The following TRPM1 variants were observed in gnomAD, a reference collection of about 807,000 sequenced individuals.
TRPM1 encodes transient receptor potential cation channel subfamily M member 1.
TRPM1 carries 113 observed loss-of-function variants against 149.4 expected under a neutral mutation model. The observed-to-expected ratio is 0.76, with a 90% CI of 0.65 to 0.88. The LOEUF is 0.88. Ranked by LOEUF, TRPM1 falls within the 40% of genes least tolerant of loss-of-function variation. TRPM1 has a pLI of 0.00. For synonymous variants in TRPM1, 741 were observed against 759.5 expected (o/e 0.98, Z 0.40); for missense variants, 1,976 against 2,038.7 (o/e 0.97, Z 0.59).
At chr15:31,111,403 C>T (rs79346978) in intron 1 of TRPM1, among the ~76,000 whole-genome samples, 28 of 152,310 alleles carry the variant, frequency 1.8e-4, no homozygotes, top group Admixed American at 1.4e-3. Flanking sequence ...GAAGTCTTCA[C>T]TCTGGAGTGA....
chr15:31,051,613 C>G (rs1388613007), intron 11 of TRPM1, among the ~76,000 whole-genome samples: 5 of 152,246 alleles, frequency 3.3e-5, no homozygotes, highest in Admixed American at 1.3e-4. Context: ...CTCAGTGCAG[C>G]TTTAAATGTC....
At chr15:31,114,944 A>G (rs568669298) in intron 1 of TRPM1, among the ~76,000 whole-genome samples, 44 of 152,248 alleles carry the variant, frequency 2.9e-4, no homozygotes, top group Non-Finnish European at 5.9e-4. Context: ...AATAGCAATA[A>G]TATCTTGCAG....
intron 1 of TRPM1, among the ~76,000 whole-genome samples, chr15:31,121,740 C>A (rs987500344): frequency 6.6e-6 from 1 of 152,112 alleles, no homozygotes; most frequent in African/African-American, 2.4e-5. Context: ...TACCATACGT[C>A]TGAGGAAGAA....
rs998303849 is a variant in TRPM1, at chr15:31,026,242, T to C, written c.3526A>G (p.Arg1176Gly). Residue 1176 changes from arginine (R) to glycine (G), a missense_variant, in exon 27 of 28, where the codon AGG becomes GGG. Arg to Gly is a moderately radical substitution (Grantham distance 125). This residue lies in a region of TRPM1 where 572 missense variants were observed against 578.9 expected (regional missense o/e 0.99). Coordinates refer to ENST00000256552, the MANE Select transcript of TRPM1 (RefSeq NM_001252024.2). ...KLFLSDEELK[R>G]LHEFEEQCVQ... ...CACTGCTCCTCGAACTCATGCAGCC[T>C]CTTTAGCTCCTCGTCGCTAAGGAAG... is the stretch of plus-strand genomic sequence containing the variant. The C allele has an allele frequency of 2.5e-6, 4 of 1,612,162 alleles. No homozygotes were observed. The highest frequency in any genetic ancestry group is 3.4e-6 in the Non-Finnish European group (4 of 1,180,028).
intron 1 of TRPM1, among the ~76,000 whole-genome samples, chr15:31,146,256 A>G (rs912576857): frequency 6.6e-6 from 1 of 152,252 alleles, no homozygotes; most frequent in African/African-American, 2.4e-5. Flanking sequence ...GGATACCATA[A>G]CCTGTGAGTG....
intron 1 of TRPM1, among the ~76,000 whole-genome samples, chr15:31,093,524 G>A (rs1310638609): frequency 6.6e-6 from 1 of 151,996 alleles, no homozygotes; most frequent in East Asian, 1.9e-4. Flanking sequence ...ATTAAAGAAG[G>A]CATAAATAAA....
At chr15:31,140,395 TAATAG>T (rs2036146624) in intron 1 of TRPM1, among the ~76,000 whole-genome samples, 2 of 151,212 alleles carry the variant, frequency 1.3e-5, no homozygotes, top group South Asian at 4.2e-4. Flanking sequence ...AAAAATTAAA[TAATAG>T]AAAAGAAAAG....
In TRPM1 at chr15:31,049,342, TC is replaced by T. The variant is rs1431332368; in HGVS notation, c.1572+32del. The T allele has an allele frequency of 5.0e-6, 8 of 1,613,974 alleles. No homozygotes were observed. In the Admixed American group the frequency reaches 1.3e-4, roughly 27 times the overall value. ...TGACAAACACATTTAGGTGGCTGCC[TC>T]CCGCTTCCTTCCCTTTTTCTAGAGC... On this transcript the variant is annotated intron_variant, in intron 13 of 27. Transcript: ENST00000256552.
rs1327953377 is a variant in TRPM1, at chr15:31,128,664, G to A, written c.54+32242C>T. On this transcript the variant is annotated intron_variant, in intron 1 of 26. Coordinates refer to the TRPM1 transcript ENST00000542188. ...ATCACTGACGGGCATAGGCAGACAT[G>A]CAGAGGCAGCCCCAACACACCCCAT... is the stretch of plus-strand genomic sequence containing the variant. 3.3e-5 allele frequency among the ~76,000 whole-genome samples: 5 copies of A among 152,332 alleles called. No individual in the cohort carries two copies. In the East Asian group the frequency reaches 7.7e-4, roughly 23 times the overall value.
At chr15:31,024,671 G>A (rs773688556) in intron 27 of TRPM1, among the ~76,000 whole-genome samples, 124 of 152,104 alleles carry the variant, frequency 8.2e-4, no homozygotes, top group Non-Finnish European at 1.6e-3. Flanking sequence ...GAAGGGAGAG[G>A]GGGAGGCAGA....
At chr15:31,005,104 AAAATAAATAAAT>A (rs71420541) in intron 27 of TRPM1, among the ~76,000 whole-genome samples, 2 of 142,758 alleles carry the variant, frequency 1.4e-5, no homozygotes, top group African/African-American at 2.6e-5. Flanking sequence ...TCCATCTCAA[AAAATAAATAAAT>A]AAATAAATAA....
intron 1 of TRPM1, among the ~76,000 whole-genome samples, chr15:31,129,226 G>A (rs1170004760): frequency 6.6e-6 from 1 of 152,210 alleles, no homozygotes; most frequent in Non-Finnish European, 1.5e-5. Flanking sequence ...CGGTCTTGAA[G>A]GTTGGCAGGA....
intron 1 of TRPM1, among the ~76,000 whole-genome samples, chr15:31,149,791 T>G (rs1262373540): frequency 6.6e-6 from 1 of 152,224 alleles, no homozygotes; most frequent in Non-Finnish European, 1.5e-5. Context: ...AGTGCTGGGA[T>G]TACAGGCGTG....
intron 12 of TRPM1, 101 bp downstream of exon 12, chr15:31,050,308 G>A (rs1015169879): frequency 1.3e-5 from 21 of 1,560,434 alleles, no homozygotes; most frequent in Non-Finnish European, 1.8e-5. Flanking sequence ...CGTCCCTCCT[G>A]GGATCAGGGC....
At chr15:31,148,489 C>T (rs979862282) in intron 1 of TRPM1, among the ~76,000 whole-genome samples, 2 of 152,194 alleles carry the variant, frequency 1.3e-5, no homozygotes, top group African/African-American at 4.8e-5. Flanking sequence ...AAAGAATTCT[C>T]CTCTATGATG....
At chr15:31,149,725 T>A (rs1052068283) in intron 1 of TRPM1, among the ~76,000 whole-genome samples, 1 of 152,078 alleles carries the variant, frequency 6.6e-6, no homozygotes, top group Non-Finnish European at 1.5e-5. Flanking sequence ...TTCACCGTGT[T>A]AGCCAGGATG....
At position 31,041,952 on chromosome 15, in the gene TRPM1, T is replaced by C; in HGVS notation, c.2086A>G (p.Lys696Glu). ...TTTAAATCCCCGCTAGACACTAACT[T>C]GGAATTGTTATCCAAGTCCTGGGAG... Reference protein sequence around the residue: ...DISQDLDNNSKDFGQLALELL... With the variant: ...DISQDLDNNSEDFGQLALELL... The change falls in exon 17 of 28, where the codon AAA becomes GAA. Residue 696 changes from lysine (K) to glutamate (E), a missense_variant and splice_region_variant. Around this residue, in one of 3 missense-constraint regions of TRPM1, gnomAD observed 1,332 missense variants for 1,347.1 expected, o/e 0.99. Transcript: ENST00000256552. 1.2e-6 allele frequency: 2 copies of C among 1,614,084 alleles called. No homozygotes were observed. Among genetic ancestry groups the C allele is most frequent in the Non-Finnish European group, 1.7e-6 (2 of 1,180,016 alleles).
In TRPM1 at chr15:31,040,611, A is replaced by C. The variant is rs767763299; in HGVS notation, c.2088-265T>G. 6.6e-6 allele frequency among the ~76,000 whole-genome samples: 1 copy of C among 152,236 alleles called. No individual in the cohort carries two copies. Among genetic ancestry groups the C allele is most frequent in the Non-Finnish European group, 1.5e-5 (1 of 68,040 alleles). ...TAGGTTGAGACCACATCTGCCCCTC[A>C]GACCCCAGGGACATAGAGACGAGAA... On this transcript the variant is annotated intron_variant, in intron 17 of 27. Transcript: ENST00000256552. The surrounding 1 kb of genome is among the most constrained non-coding windows in gnomAD (Gnocchi z 4.2).
intron 23 of TRPM1, 110 bp from the exon 24 acceptor site, chr15:31,029,501 C>T (rs751138435): frequency 1.9e-6 from 2 of 1,075,646 alleles, no homozygotes; most frequent in Non-Finnish European, 2.8e-6. Context: ...GGTTTAACAA[C>T]ATAACTGTTT....
Sources: allele counts gnomAD v4.1 joint callset (sites outside exome capture counted in the v4.1 genomes callset), GRCh38; gene constraint gnomAD v4.1.1; regional missense constraint gnomAD v4.1.1; non-coding constraint Gnocchi (gnomAD v3.1); transcripts MANE v1.5; gene names NCBI Gene and HGNC (gene_info 2026-07-23, HGNC 2026-07-21).